Variants in ATP2B2 observed in about 807,000 individuals in gnomAD.
ATP2B2 encodes the protein ATPase plasma membrane Ca2+ transporting 2, also known as plasma membrane calcium-transporting ATPase 2.
In ATP2B2, 15 loss-of-function variants were observed where a neutral mutation model predicts 120.0. That is an observed-to-expected ratio of 0.12 (90% CI 0.08 to 0.19). The LOEUF (loss-of-function observed/expected upper bound fraction) is 0.19, where lower values mean the gene tolerates loss of function less well. Ranked by LOEUF, ATP2B2 falls within the 10% of genes least tolerant of loss-of-function variation. ATP2B2 has a pLI of 1.00. For missense variants in ATP2B2, 1,045 were observed against 1,719.8 expected (o/e 0.61, Z 6.94); for synonymous variants, 694 against 700.3 (o/e 0.99, Z 0.14).
intron 1 of ATP2B2, among the ~76,000 whole-genome samples, chr3:10,472,080 CAAAAA>C (rs55895159): frequency 0.19 from 18,039 of 93,442 alleles, 1,530 homozygotes; most frequent in East Asian, 0.53. Context: ...GACTCCGTCT[CAAAAA>C]AAAAAAAAAA....
intron 2 of ATP2B2, among the ~76,000 whole-genome samples, chr3:10,593,661 C>T (rs1042057007): frequency 1.3e-5 from 2 of 152,172 alleles, no homozygotes; most frequent in Non-Finnish European, 2.9e-5. Flanking sequence ...TGGGCAAGGA[C>T]TTCATGTCTA....
upstream of ATP2B2, among the ~76,000 whole-genome samples, chr3:10,510,409 G>A (rs1399730522): frequency 6.6e-6 from 1 of 152,266 alleles, no homozygotes; most frequent in Non-Finnish European, 1.5e-5. Context: ...GGGAATTGGA[G>A]CTTGAAATAG....
chr3:10,693,065 A>T (rs1162314283), intron 1 of ATP2B2, among the ~76,000 whole-genome samples: 1 of 152,244 alleles, frequency 6.6e-6, no homozygotes, highest in Non-Finnish European at 1.5e-5. Flanking sequence ...TGATAGGCAC[A>T]TTAAATGAGA....
At chr3:10,585,493 G>GAAAAAAAAAAAAAAACAAAAAAAAAAAA in intron 2 of ATP2B2, among the ~76,000 whole-genome samples, 1 of 28,506 alleles carries the variant, frequency 3.5e-5, no homozygotes, top group Non-Finnish European at 5.7e-5. Context: ...GACTCCGTCT[G>GAAAAAAAAAAAAAAACAAAAAAAAAAAA]AAAAAAAAAA....
Position 10,329,259 on chromosome 3 carries a change from T to G in ATP2B2, c.3421-134A>C. ...GGAATCCATAGTCGCTGGGTGTTATTAGCATTGACAGGATGGGGGAGAGTG... is the reference window on the plus strand; with the variant it reads ...GGAATCCATAGTCGCTGGGTGTTATGAGCATTGACAGGATGGGGGAGAGTG... On this transcript the variant is annotated intron_variant, in intron 22 of 22. Coordinates refer to ENST00000360273, the MANE Select transcript of ATP2B2 (RefSeq NM_001001331.4). This position sits in a 1 kb window ranked among gnomAD's most constrained non-coding sequence, Gnocchi z 5.9. 1.1e-6 allele frequency: 1 copy of G among 877,574 alleles called. No individual in the cohort carries two copies. The allele number at this position is 877,574 out of a possible 1,614,324, so 54.4% of individuals were successfully genotyped here.
intron 2 of ATP2B2, among the ~76,000 whole-genome samples, chr3:10,415,816 A>G (rs17032844): frequency 0.021 from 3,204 of 152,308 alleles, 108 homozygotes; most frequent in African/African-American, 0.072. Flanking sequence ...GAAAATTCAG[A>G]AACACAAATG....
At chr3:10,524,767 C>A (rs1053025064) in intron 3 of ATP2B2, among the ~76,000 whole-genome samples, 1 of 152,168 alleles carries the variant, frequency 6.6e-6, no homozygotes, top group Non-Finnish European at 1.5e-5. Flanking sequence ...GTTAAGTAAC[C>A]TCTCCTGGCT....
upstream of ATP2B2, among the ~76,000 whole-genome samples, chr3:10,508,068 G>A (rs1352181813): frequency 1.3e-5 from 2 of 152,178 alleles, no homozygotes; most frequent in Non-Finnish European, 2.9e-5. Flanking sequence ...CAAACTCTCA[G>A]GCAGTTGTGG....
chr3:10,669,553 C>A (rs1271918024), intron 1 of ATP2B2, among the ~76,000 whole-genome samples: 2 of 152,170 alleles, frequency 1.3e-5, no homozygotes, highest in Non-Finnish European at 2.9e-5. Flanking sequence ...AATACAGGAG[C>A]TGGGCCCCTC....
chr3:10,458,242 G>A (rs1280643163), intron 1 of ATP2B2, among the ~76,000 whole-genome samples: 3 of 152,150 alleles, frequency 2.0e-5, no homozygotes, highest in African/African-American at 7.2e-5. Flanking sequence ...TATGAGGAGA[G>A]CAAGAGAGAC....
chr3:10,706,896 A>T (rs900852287), intron 1 of ATP2B2, among the ~76,000 whole-genome samples: 25 of 152,182 alleles, frequency 1.6e-4, no homozygotes, highest in African/African-American at 4.8e-4. Context: ...ACCCGTTATA[A>T]GAAAGCCCAG....
At chr3:10,585,554 C>T (rs1250013263) in intron 2 of ATP2B2, among the ~76,000 whole-genome samples, 1 of 149,452 alleles carries the variant, frequency 6.7e-6, no homozygotes, top group African/African-American at 2.5e-5. Flanking sequence ...CCTGCAAGAC[C>T]CGACTCTACC....
intron 2 of ATP2B2, among the ~76,000 whole-genome samples, chr3:10,568,913 A>C (rs923866106): frequency 6.6e-6 from 1 of 152,262 alleles, no homozygotes; most frequent in Middle Eastern, 3.2e-3. Flanking sequence ...ACCAGCCGAC[A>C]GTGTCAGGGA....
intron 2 of ATP2B2, among the ~76,000 whole-genome samples, chr3:10,540,509 C>G (rs968254934): frequency 5.9e-5 from 9 of 152,030 alleles, no homozygotes; most frequent in Admixed American, 2.0e-4. Context: ...GAAAATGTGG[C>G]AGATATACAC....
chr3:10,371,657 C>T, intron 12 of ATP2B2, 152 bp downstream of exon 12: 1 of 1,191,970 alleles, frequency 8.4e-7, no homozygotes, highest in Non-Finnish European at 1.2e-6. Context: ...AGTATATTAA[C>T]TCAAACAGAA....
In ATP2B2 at chr3:10,558,870, A is replaced by G. The variant is rs544468261; in HGVS notation, c.-414-24737T>C. 6.4e-4 allele frequency among the ~76,000 whole-genome samples: 97 copies of G among 152,230 alleles called. 1 individual carries two copies. Among genetic ancestry groups the G allele is most frequent in the African/African-American group, 2.2e-3 (93 of 41,544 alleles). On this transcript the variant is annotated intron_variant, in intron 2 of 21. Coordinates refer to the ATP2B2 transcript ENST00000646379. ...AGGAGAGGGGAGGGGAGGAAAGAGGAGAGGAGAGAACGAGTGAGGAGAGTA... is the reference window on the plus strand; with the variant it reads ...AGGAGAGGGGAGGGGAGGAAAGAGGGGAGGAGAGAACGAGTGAGGAGAGTA...
At position 10,485,726 on chromosome 3, in the gene ATP2B2, T is replaced by C. The variant is rs200097205; in HGVS notation, c.-320+19739A>G. ...ATCGCAAAGCCTGGGGTCTGAGGTC[T>C]GGATGTTTTGTGCGGTGGGGGCTTC... On this transcript the variant is annotated intron_variant, in intron 1 of 22. Transcript: ENST00000360273. Among the ~76,000 whole-genome samples the C allele has an allele frequency of 5.3e-5, 8 of 152,318 alleles. No homozygotes were observed. In the East Asian group the frequency reaches 1.2e-3, roughly 22 times the overall value.
chr3:10,535,104 C>T (rs767264785), intron 2 of ATP2B2, among the ~76,000 whole-genome samples: 12 of 151,800 alleles, frequency 7.9e-5, no homozygotes, highest in Non-Finnish European at 1.5e-4. Flanking sequence ...GGGGTTTCAC[C>T]GTGTTGCCAG....
At chr3:10,516,946 G>T in intron 3 of ATP2B2, among the ~76,000 whole-genome samples, 1 of 151,634 alleles carries the variant, frequency 6.6e-6, no homozygotes, top group South Asian at 2.1e-4. Context: ...TGCTTGTTTA[G>T]ATCTACAATT....
Sources: allele counts gnomAD v4.1 joint callset (sites outside exome capture counted in the v4.1 genomes callset), GRCh38; gene constraint gnomAD v4.1.1; non-coding constraint Gnocchi (gnomAD v3.1); transcripts MANE v1.5; gene names NCBI Gene and HGNC (gene_info 2026-07-23, HGNC 2026-07-21).